ANGPT1: variants seen among roughly 807,000 people sequenced by gnomAD.
ANGPT1 encodes angiopoietin-1.
ANGPT1 carries 17 observed loss-of-function variants against 62.2 expected under a neutral mutation model. The observed-to-expected ratio is 0.27, with a 90% CI of 0.19 to 0.41. The LOEUF (loss-of-function observed/expected upper bound fraction) is 0.41. ANGPT1 is among the 10% of genes least tolerant of loss of function. The pLI is 1.00. For synonymous variants in ANGPT1, 199 were observed against 198.9 expected (o/e 1.00, Z 0.00); for missense variants, 478 against 594.9 (o/e 0.80, Z 2.04).
intron 1 of ANGPT1, among the ~76,000 whole-genome samples, chr8:107,385,885 G>C (rs1240336177): frequency 6.6e-6 from 1 of 152,024 alleles, no homozygotes; most frequent in Non-Finnish European, 1.5e-5. Flanking sequence ...CTATTGAAAT[G>C]ATCATGAGGT....
chr8:107,311,507 C>G (rs1455445813), intron 4 of ANGPT1, among the ~76,000 whole-genome samples: 2 of 151,994 alleles, frequency 1.3e-5, no homozygotes, highest in African/African-American at 4.8e-5. Context: ...TGCAGATATA[C>G]AAATTTTCAA....
intron 1 of ANGPT1, among the ~76,000 whole-genome samples, chr8:107,467,744 A>G (rs1350027914): frequency 6.6e-6 from 1 of 152,120 alleles, no homozygotes; most frequent in African/African-American, 2.4e-5. Context: ...AAAAGAAAAG[A>G]ATGCATAGCT....
intron 6 of ANGPT1, among the ~76,000 whole-genome samples, chr8:107,291,600 A>G (rs935377854): frequency 6.6e-6 from 1 of 151,690 alleles, no homozygotes; most frequent in East Asian, 1.9e-4. Context: ...TTTAGTAGAG[A>G]CGGGGTTTCA....
intron 2 of ANGPT1, among the ~76,000 whole-genome samples, chr8:107,345,023 T>C (rs1458980374): frequency 1.3e-5 from 2 of 152,130 alleles, no homozygotes; most frequent in African/African-American, 4.8e-5. Context: ...GCATCACAGC[T>C]ACAAATAGCA....
chr8:107,321,760 T>TAA (rs1238722819), intron 4 of ANGPT1, 136 bp downstream of exon 4: 18 of 659,232 alleles, frequency 2.7e-5, no homozygotes, highest in Non-Finnish European at 4.2e-5. Flanking sequence ...CATAACTTCA[T>TAA]AAATGATTCT....
chr8:107,305,023 T>G (rs1433697407), intron 4 of ANGPT1, among the ~76,000 whole-genome samples: 2 of 152,048 alleles, frequency 1.3e-5, no homozygotes, highest in African/African-American at 2.4e-5. Flanking sequence ...AGGATGTCAA[T>G]GGATTATATA....
chr8:107,446,240 A>G (rs1185955765), intron 1 of ANGPT1, among the ~76,000 whole-genome samples: 2 of 152,198 alleles, frequency 1.3e-5, no homozygotes, highest in African/African-American at 4.8e-5. Flanking sequence ...ATTTAACCCA[A>G]TACATCCAAA....
intron 3 of ANGPT1, among the ~76,000 whole-genome samples, chr8:107,334,590 C>T (rs992135008): frequency 5.9e-5 from 9 of 151,674 alleles, no homozygotes; most frequent in African/African-American, 9.7e-5. Flanking sequence ...TAAAACCAAA[C>T]GACGACTCAG....
chr8:107,286,483 A>T (rs926177266), intron 6 of ANGPT1, among the ~76,000 whole-genome samples: 3 of 152,150 alleles, frequency 2.0e-5, no homozygotes, highest in Non-Finnish European at 2.9e-5. Flanking sequence ...GATTGGATGC[A>T]TTCTACTATG....
At chr8:107,433,848 C>T (rs1280273071) in intron 1 of ANGPT1, among the ~76,000 whole-genome samples, 14 of 152,140 alleles carry the variant, frequency 9.2e-5, no homozygotes, top group Admixed American at 9.2e-4. Flanking sequence ...GATGTCTGTG[C>T]CATTACAAGT....
intron 1 of ANGPT1, among the ~76,000 whole-genome samples, chr8:107,431,395 CA>C (rs1404354487): frequency 6.6e-6 from 1 of 152,096 alleles, no homozygotes; most frequent in Non-Finnish European, 1.5e-5. Context: ...TTCACTTTTC[CA>C]ATAGGTTTAG....
In ANGPT1 at chr8:107,432,785, GATATGTATATT is replaced by G. The variant is rs533912124; in HGVS notation, c.297+64466_297+64476del. Among the ~76,000 whole-genome samples the G allele has an allele frequency of 1.3e-3, 200 of 152,072 alleles. 1 individual carries two copies. Among genetic ancestry groups the G allele is most frequent in the Admixed American group, 4.5e-3 (68 of 15,268 alleles). On this transcript the variant is annotated intron_variant, in intron 1 of 8. Coordinates refer to ENST00000517746, the MANE Select transcript of ANGPT1 (RefSeq NM_001146.5). ...TTAATAACAAGGATTTATTTCAAAG[GATATGTATATT>G]ATACTCTGGTTCATTCAAATAAATA... is the stretch of plus-strand genomic sequence containing the variant.
intron 1 of ANGPT1, among the ~76,000 whole-genome samples, chr8:107,442,268 A>G (rs1359518180): frequency 6.6e-6 from 1 of 152,226 alleles, no homozygotes; most frequent in East Asian, 1.9e-4. Context: ...TATCTGTGGC[A>G]ATGTAAATGA....
intron 1 of ANGPT1, among the ~76,000 whole-genome samples, chr8:107,384,562 T>G (rs776336459): frequency 2.0e-5 from 3 of 152,132 alleles, no homozygotes; most frequent in Non-Finnish European, 4.4e-5. Context: ...TTTTTCATCC[T>G]TTGGTAGCGA....
intron 1 of ANGPT1, among the ~76,000 whole-genome samples, chr8:107,445,056 A>G (rs1270421915): frequency 1.3e-5 from 2 of 152,224 alleles, no homozygotes; most frequent in Non-Finnish European, 2.9e-5. Flanking sequence ...CTGACAATAC[A>G]TACTAATTTG....
At chr8:107,424,565 C>G (rs1810986247) in intron 1 of ANGPT1, among the ~76,000 whole-genome samples, 1 of 152,138 alleles carries the variant, frequency 6.6e-6, no homozygotes, top group Non-Finnish European at 1.5e-5. Flanking sequence ...AATGTGATGG[C>G]CATGTTATTC....
intron 1 of ANGPT1, among the ~76,000 whole-genome samples, chr8:107,396,517 C>CTT (rs10686360): frequency 0.39 from 33,088 of 84,998 alleles, 6,497 homozygotes; most frequent in East Asian, 0.61. Flanking sequence ...TCTTTTCTCT[C>CTT]TTTTTTTTTT....
chr8:107,419,762 C>A (rs1012315643), intron 1 of ANGPT1, among the ~76,000 whole-genome samples: 11 of 152,050 alleles, frequency 7.2e-5, no homozygotes, highest in African/African-American at 2.2e-4. Context: ...AAACTTCAAC[C>A]CAGCCAAAGC....
At chr8:107,321,180 G>A (rs1815141126) in intron 4 of ANGPT1, among the ~76,000 whole-genome samples, 1 of 151,948 alleles carries the variant, frequency 6.6e-6, no homozygotes, top group African/African-American at 2.4e-5. Context: ...TGGATGGATG[G>A]ATAGACAGAT....
Sources: allele counts gnomAD v4.1 joint callset (sites outside exome capture counted in the v4.1 genomes callset), GRCh38; gene constraint gnomAD v4.1.1; transcripts MANE v1.5; gene names NCBI Gene and HGNC (gene_info 2026-07-23, HGNC 2026-07-21).